The following HSPA4L variants were observed in gnomAD, a reference collection of about 807,000 sequenced individuals.
HSPA4L encodes heat shock 70 kDa protein 4L.
HSPA4L carries 48 observed loss-of-function variants against 100.3 expected under a neutral mutation model. The observed-to-expected ratio is 0.48, with a 90% CI of 0.38 to 0.61. The LOEUF is 0.61. HSPA4L is among the 20% of genes least tolerant of loss of function. The pLI, the probability that HSPA4L is intolerant of heterozygous loss-of-function variation, is 0.00. For missense variants in HSPA4L, 886 were observed against 988.6 expected (o/e 0.90, Z 1.39); for synonymous variants, 319 against 328.2 (o/e 0.97, Z 0.30).
At chr4:127,803,114 TTG>T (rs1733240327) in intron 6 of HSPA4L, among the ~76,000 whole-genome samples, 1 of 152,170 alleles carries the variant, frequency 6.6e-6, no homozygotes, top group Admixed American at 6.5e-5. Context: ...GGTTTTTTGG[TTG>T]TGTTTTTTGT....
intron 11 of HSPA4L, chr4:127,809,619 C>T (rs1733470594): frequency 5.2e-6 from 3 of 573,094 alleles, no homozygotes; most frequent in Non-Finnish European, 9.6e-6. Flanking sequence ...TAAGTGAAAG[C>T]AGAAAGAAGG....
chr4:127,796,285 T>C (rs1427198101), intron 3 of HSPA4L, among the ~76,000 whole-genome samples: 1 of 152,180 alleles, frequency 6.6e-6, no homozygotes, highest in East Asian at 1.9e-4. Context: ...AAGAATCTTA[T>C]ACTATAAATG....
intron 12 of HSPA4L, chr4:127,813,221 T>TGGCG (rs906891199): frequency 1.8e-6 from 2 of 1,092,578 alleles, no homozygotes; most frequent in Admixed American, 1.7e-5. Context: ...TACTGGAAGA[T>TGGCG]GGCGGTTCCA....
chr4:127,821,560 A>C (rs1288006571), intron 14 of HSPA4L, among the ~76,000 whole-genome samples: 1 of 152,144 alleles, frequency 6.6e-6, no homozygotes, highest in Non-Finnish European at 1.5e-5. Flanking sequence ...AAACCTATGA[A>C]GTGTAGGTTC....
At chr4:127,812,878 C>T (rs548215469) in intron 12 of HSPA4L, 16 of 934,186 alleles carry the variant, frequency 1.7e-5, no homozygotes, top group South Asian at 1.4e-4. Context: ...TTCCTTCACA[C>T]GTTTCAGGAA....
In HSPA4L at chr4:127,803,866, A is replaced by G. The variant is rs761133648; in HGVS notation, c.901A>G (p.Met301Val). Residue 301 changes from methionine (M) to valine (V), a missense_variant, in exon 7 of 19, where the codon ATG becomes GTG. Met to Val is a conservative substitution (Grantham distance 21, BLOSUM62 1). Transcript: ENST00000296464. The part of the protein sequence containing the change: ...FMNDLDVSSK[M>V]NRAQFEQLCA... ...GAATGACCTTGATGTTTCTAGTAAA[A>G]TGAACAGGTACCACGTATGTTTTTA... 2 of 1,613,440 alleles carry G rather than the reference A, an allele frequency of 1.2e-6. No homozygotes were observed. The highest frequency in any genetic ancestry group is 1.7e-6 in the Non-Finnish European group (2 of 1,179,686).
rs192067080 is a variant in HSPA4L at position 127,828,119 on chromosome 4, A to G, written c.2166+695A>G. ...TATTCTTATCTGCCACTGTAGCACA[A>G]AAGTACCATAGACAATACACAAACT... On this transcript the variant is annotated intron_variant, in intron 17 of 18. Transcript: ENST00000296464. Among the ~76,000 whole-genome samples the G allele has an allele frequency of 2.6e-3, 392 of 152,216 alleles. 1 individual carries two copies. The highest frequency in any genetic ancestry group is 4.1e-3 in the Non-Finnish European group (281 of 67,950).
chr4:127,816,547 A>G (rs897610337), intron 12 of HSPA4L, among the ~76,000 whole-genome samples: 2 of 152,158 alleles, frequency 1.3e-5, no homozygotes, highest in Non-Finnish European at 2.9e-5. Flanking sequence ...TTAGTGAACA[A>G]ACCATTTAAG....
intron 10 of HSPA4L, among the ~76,000 whole-genome samples, 155 bp from the exon 11 acceptor site, chr4:127,807,841 A>T (rs1733405364): frequency 6.6e-6 from 1 of 152,174 alleles, no homozygotes; most frequent in Non-Finnish European, 1.5e-5. Context: ...GTTGCAATGC[A>T]TGTTTAGAGC....
At chr4:127,805,502 A>C (rs1014875840) in intron 9 of HSPA4L, among the ~76,000 whole-genome samples, 185 bp from the exon 10 acceptor site, 4 of 152,210 alleles carry the variant, frequency 2.6e-5, no homozygotes, top group African/African-American at 9.6e-5. Flanking sequence ...TATTCTGTTA[A>C]TTTTTATAAG....
rs994149515 is a variant in HSPA4L, at chr4:127,830,552, C to G, written c.2167-86C>G. 1.5e-5 allele frequency: 16 copies of G among 1,063,462 alleles called. No homozygotes were observed. The South Asian group carries it at 2.5e-4, about 17-fold the overall frequency. The allele number at this position is 1,063,462 out of a possible 1,614,324, so 65.9% of individuals were successfully genotyped here. A position where few individuals can be genotyped will look rare whatever the true frequency, so the allele number is the denominator to read the frequency against. Reference sequence around the variant, plus strand: ...TTTGAGATATACAGTCAATAAGAGTCTAAATTTTTAAAGTAGAAATTACTA... The same window carrying G: ...TTTGAGATATACAGTCAATAAGAGTGTAAATTTTTAAAGTAGAAATTACTA... On this transcript the variant is annotated intron_variant, in intron 17 of 18. Coordinates refer to ENST00000296464, the MANE Select transcript of HSPA4L (RefSeq NM_014278.4).
intron 5 of HSPA4L, 140 bp downstream of exon 5, chr4:127,801,377 T>A: frequency 1.6e-6 from 1 of 635,804 alleles, no homozygotes; most frequent in Non-Finnish European, 2.7e-6. Flanking sequence ...TGCAGTGAGC[T>A]ATGATCATAC....
At chr4:127,792,872 C>A (rs1187213382) in intron 1 of HSPA4L, among the ~76,000 whole-genome samples, 2 of 152,174 alleles carry the variant, frequency 1.3e-5, no homozygotes, top group Non-Finnish European at 2.9e-5. Flanking sequence ...AGAGCACCAG[C>A]CACATGGATG....
In HSPA4L at chr4:127,827,405, T is replaced by C. The variant is rs1722462497; in HGVS notation, c.2147T>C (p.Ile716Thr). The C allele has an allele frequency of 1.2e-6, 2 of 1,613,726 alleles. No homozygotes were observed. Among genetic ancestry groups the C allele is most frequent in the Non-Finnish European group, 8.5e-7 (1 of 1,179,710 alleles). Residue 716 changes from isoleucine to threonine, a missense_variant, in exon 17 of 19, where the codon ATA (isoleucine) becomes ACA (threonine). Physicochemically the swap from Ile to Thr is moderately conservative, Grantham distance 89 (BLOSUM62 -1). Transcript: ENST00000296464. ...AAGATCCAACTTGTCATGAAAGTGA[T>C]AGAAGCTTATAGAAACAAGGTATTG... ...GKKIQLVMKVIEAYRNKDERY... is the reference protein window; with the variant it reads ...GKKIQLVMKVTEAYRNKDERY...
intron 1 of HSPA4L, among the ~76,000 whole-genome samples, chr4:127,784,780 C>T (rs1440686104): frequency 6.6e-6 from 1 of 152,234 alleles, no homozygotes; most frequent in Non-Finnish European, 1.5e-5. Context: ...CAATTCAACA[C>T]CGATCATGCA....
Position 127,834,578 on chromosome 4 carries a change from T to G in HSPA4L, c.*1704T>G, listed in dbSNP as rs1016240191. 2 of 152,226 alleles carry G rather than the reference T, an allele frequency of 1.3e-5. No homozygotes were observed. Among genetic ancestry groups the G allele is most frequent in the Non-Finnish European group, 2.9e-5 (2 of 68,028 alleles). 9.4% of individuals were successfully genotyped at this position (152,226 alleles called of 1,614,324 possible). A position where few individuals can be genotyped will look rare whatever the true frequency, so the allele number is the denominator to read the frequency against. On this transcript the variant is annotated 3_prime_UTR_variant, in exon 19 of 19. Transcript: ENST00000296464. Reference sequence around the variant, plus strand: ...TCTTTAAACTTTCTCTTAATTCTCTTAAAATGAAATAGGTATATCCAATAG... The same window carrying G: ...TCTTTAAACTTTCTCTTAATTCTCTGAAAATGAAATAGGTATATCCAATAG...
chr4:127,810,752 T>C (rs1733503070), intron 11 of HSPA4L, among the ~76,000 whole-genome samples: 1 of 152,156 alleles, frequency 6.6e-6, no homozygotes, highest in South Asian at 2.1e-4. Flanking sequence ...AGTGAAACTG[T>C]GTCTCAAAAC....
At chr4:127,786,042 G>GA (rs1421477119) in intron 1 of HSPA4L, among the ~76,000 whole-genome samples, 10 of 152,202 alleles carry the variant, frequency 6.6e-5, no homozygotes, top group African/African-American at 2.2e-4. Context: ...CACACATGGG[G>GA]AAAAAAATGA....
intron 16 of HSPA4L, 72 bp from the exon 17 acceptor site, chr4:127,827,233 A>C: frequency 8.1e-7 from 1 of 1,229,894 alleles, no homozygotes; most frequent in Non-Finnish European, 1.2e-6. Flanking sequence ...TTATCATCCT[A>C]TAAGGGCCCT....
Sources: allele counts gnomAD v4.1 joint callset (sites outside exome capture counted in the v4.1 genomes callset), GRCh38; gene constraint gnomAD v4.1.1; transcripts MANE v1.5; gene names NCBI Gene and HGNC (gene_info 2026-07-23, HGNC 2026-07-21).